Variants in LRRK2 observed in about 807,000 individuals in gnomAD.
The protein encoded by LRRK2 is leucine-rich repeat serine/threonine-protein kinase 2.
LRRK2 carries 203 observed loss-of-function variants against 302.6 expected under a neutral mutation model. That is an observed-to-expected ratio of 0.67 (90% CI 0.60 to 0.75). The LOEUF (loss-of-function observed/expected upper bound fraction) is 0.75, where lower values mean the gene tolerates loss of function less well. LRRK2 is among the 30% of genes least tolerant of loss of function. LRRK2 has a pLI of 0.00. For missense variants in LRRK2, 2,830 were observed against 2,951.0 expected (o/e 0.96, Z 0.95); for synonymous variants, 1,066 against 1,031.9 (o/e 1.03, Z -0.63).
At position 40,360,328 on chromosome 12, in the gene LRRK2, T is replaced by C. The variant is rs569084039; in HGVS notation, c.7028+884T>C. On this transcript the variant is annotated intron_variant, in intron 47 of 50. Transcript: ENST00000298910. Reference sequence around the variant, plus strand: ...AGCTTTGAGTCACAAATCCCTACCTTAGGGAATATCCTGGTTTCCCATTAT... The same window carrying C: ...AGCTTTGAGTCACAAATCCCTACCTCAGGGAATATCCTGGTTTCCCATTAT... Among the ~76,000 whole-genome samples, 7 of 152,238 alleles carry C rather than the reference T, an allele frequency of 4.6e-5. No homozygotes were observed. The South Asian group carries it at 1.2e-3, about 27-fold the overall frequency.
chr12:40,342,134 T>C (rs939206915), intron 41 of LRRK2, among the ~76,000 whole-genome samples: 6 of 152,204 alleles, frequency 3.9e-5, no homozygotes. Context: ...GTCTGCTTAA[T>C]TGGACAGTGG....
intron 2 of LRRK2, among the ~76,000 whole-genome samples, chr12:40,229,684 T>A (rs1941076158): frequency 6.6e-6 from 1 of 152,198 alleles, no homozygotes; most frequent in Admixed American, 6.5e-5. Flanking sequence ...AAACTACCAA[T>A]TTAATTGTAT....
chr12:40,240,653 C>A (rs775310190), intron 6 of LRRK2, 36 bp downstream of exon 6: 6 of 1,588,288 alleles, frequency 3.8e-6, no homozygotes, highest in Non-Finnish European at 5.2e-6. Flanking sequence ...TTTTTTGTAT[C>A]TGAAAAATTA....
At chr12:40,226,887 C>T (rs1592127413) in intron 2 of LRRK2, among the ~76,000 whole-genome samples, 1 of 152,082 alleles carries the variant, frequency 6.6e-6, no homozygotes, top group Admixed American at 6.5e-5. Context: ...TTCTGGCCAC[C>T]TTCATTCCCT....
At chr12:40,295,824 T>C (rs138971827) in intron 23 of LRRK2, among the ~76,000 whole-genome samples, 180 bp downstream of exon 23, 187 of 152,342 alleles carry the variant, frequency 1.2e-3, no homozygotes, top group Non-Finnish European at 2.3e-3. Context: ...AGGAGCATCT[T>C]TGAGGGCAGG....
intron 13 of LRRK2, 54 bp downstream of exon 13, chr12:40,259,658 T>C (rs1241882003): frequency 1.1e-5 from 17 of 1,604,466 alleles, no homozygotes; most frequent in Non-Finnish European, 1.3e-5. Flanking sequence ...GGATTTTTGA[T>C]TTTTCATGAA....
chr12:40,342,780 A>G (rs1272098201), intron 41 of LRRK2, among the ~76,000 whole-genome samples: 3 of 152,164 alleles, frequency 2.0e-5, no homozygotes, highest in African/African-American at 7.2e-5. Flanking sequence ...CTTCTAGAGA[A>G]ACAAAAGACG....
chr12:40,235,448 C>T (rs565597693), intron 3 of LRRK2, among the ~76,000 whole-genome samples, 178 bp from the exon 4 acceptor site: 1 of 152,110 alleles, frequency 6.6e-6, no homozygotes, highest in Non-Finnish European at 1.5e-5. Context: ...TGCATTCCAG[C>T]CTGGGTGACA....
At position 40,240,750 on chromosome 12, in the gene LRRK2, TTTAA is replaced by T. The variant is rs1592146594; in HGVS notation, c.706+140_706+143del. 23 of 929,120 alleles carry T rather than the reference TTTAA, an allele frequency of 2.5e-5. 1 individual carries two copies. The East Asian group carries it at 6.1e-4, about 25-fold the overall frequency. 57.6% of individuals were successfully genotyped at this position (929,120 alleles called of 1,614,324 possible). On this transcript the variant is annotated intron_variant, in intron 6 of 50. Coordinates refer to ENST00000298910, the MANE Select transcript of LRRK2 (RefSeq NM_198578.4). ...CTCAACCCATTCATTCATTTATTCA[TTTAA>T]TTAATTTACATTCACTGACATTATA...
At chr12:40,304,902 G>C (rs993338981) in intron 27 of LRRK2, 2 of 152,138 alleles carry the variant, frequency 1.3e-5, no homozygotes, top group South Asian at 2.1e-4. Flanking sequence ...ATAGATGAAT[G>C]TGATGCTGTG....
intron 46 of LRRK2, among the ~76,000 whole-genome samples, chr12:40,356,744 C>G (rs992353800): frequency 7.2e-5 from 11 of 152,026 alleles, no homozygotes; most frequent in Non-Finnish European, 1.6e-4. Flanking sequence ...TAGGTTATTT[C>G]TTTTGTAATT....
chr12:40,304,465 A>G, intron 27 of LRRK2: 1 of 293,218 alleles, frequency 3.4e-6, no homozygotes, highest in Non-Finnish European at 6.3e-6. Flanking sequence ...TGAAAGCTAA[A>G]CAGCTAGATA....
At chr12:40,256,945 C>G (rs1450380516) in intron 11 of LRRK2, among the ~76,000 whole-genome samples, 2 of 152,036 alleles carry the variant, frequency 1.3e-5, no homozygotes, top group East Asian at 3.8e-4. Context: ...TTTTTTCCTG[C>G]AAAAACACTC....
intron 7 of LRRK2, among the ~76,000 whole-genome samples, chr12:40,248,358 T>C (rs1007345437): frequency 6.6e-6 from 1 of 152,214 alleles, no homozygotes; most frequent in Non-Finnish European, 1.5e-5. Context: ...CTTGATTTTA[T>C]ACTGTTAAAA....
intron 36 of LRRK2, 66 bp downstream of exon 36, chr12:40,322,247 A>C (rs1420790173): frequency 8.2e-6 from 13 of 1,586,138 alleles, no homozygotes; most frequent in African/African-American, 1.4e-5. Context: ...AAAAAAAAAA[A>C]AACTTTACCT....
rs150168129 is a variant in LRRK2, at chr12:40,333,241, G to A, written c.5758-1726G>A. 2.6e-5 allele frequency among the ~76,000 whole-genome samples: 4 copies of A among 152,196 alleles called. No individual in the cohort carries two copies. The East Asian group carries it at 5.8e-4, about 22-fold the overall frequency. On this transcript the variant is annotated intron_variant, in intron 39 of 50. Transcript: ENST00000298910. Reference sequence around the variant, plus strand: ...TATCTACTAAGCAAATATGATCACAGTCTGAAGCTTTGTTCTTGGAAAATC... The same window carrying A: ...TATCTACTAAGCAAATATGATCACAATCTGAAGCTTTGTTCTTGGAAAATC...
At chr12:40,267,468 G>C (rs1382674085) in intron 14 of LRRK2, among the ~76,000 whole-genome samples, 1 of 151,952 alleles carries the variant, frequency 6.6e-6, no homozygotes, top group Non-Finnish European at 1.5e-5. Context: ...CAAAACAGCC[G>C]TATAGATAAC....
chr12:40,262,453 T>C (rs1420954859), intron 13 of LRRK2, among the ~76,000 whole-genome samples: 4 of 152,054 alleles, frequency 2.6e-5, no homozygotes, highest in African/African-American at 9.7e-5. Flanking sequence ...GACTCCAGAG[T>C]AGGCATTTTA....
intron 40 of LRRK2, 33 bp downstream of exon 40, chr12:40,335,190 A>ATGACAAGTG (rs1459513757): frequency 6.2e-7 from 1 of 1,610,326 alleles, no homozygotes; most frequent in Non-Finnish European, 8.5e-7. Context: ...TATTCAGTGC[A>ATGACAAGTG]TGACAAGTGT....
Sources: allele counts gnomAD v4.1 joint callset (sites outside exome capture counted in the v4.1 genomes callset), GRCh38; gene constraint gnomAD v4.1.1; transcripts MANE v1.5; gene names NCBI Gene and HGNC (gene_info 2026-07-23, HGNC 2026-07-21).